Variants in MYO1D observed in about 807,000 individuals in gnomAD.
The protein encoded by MYO1D is myosin ID.
A neutral mutation model predicts 122.0 loss-of-function variants in MYO1D; 83 were observed. The ratio of observed to expected loss-of-function variants is 0.68; its 90% CI spans 0.57 to 0.82. MYO1D has a LOEUF of 0.82. Among genes scored for constraint, MYO1D ranks in the 40% least tolerant of loss-of-function variants. The probability of loss-of-function intolerance (pLI) is 0.00; values close to 1 mark genes in which losing one functional copy is unlikely to be tolerated. For synonymous variants in MYO1D, 464 were observed against 446.9 expected, an observed-to-expected ratio of 1.04 and a Z score of -0.48; for missense variants, 1,157 against 1,269.5, an observed-to-expected ratio of 0.91 and a Z score of 1.35.
At chr17:32,856,338 G>A (rs1567673825) in intron 1 of MYO1D, among the ~76,000 whole-genome samples, 4 of 151,900 alleles carry the variant, frequency 2.6e-5, no homozygotes, top group Non-Finnish European at 5.9e-5. Flanking sequence ...CTCTCTCTAC[G>A]GCCTCCTTCC....
chr17:32,607,065 CA>C (rs1179136526), intron 20 of MYO1D, among the ~76,000 whole-genome samples: 2 of 152,104 alleles, frequency 1.3e-5, no homozygotes, highest in Non-Finnish European at 2.9e-5. Context: ...GAGGCTGAGG[CA>C]GGAGAATCGT....
Position 32,716,192 on chromosome 17 carries a change from G to A in MYO1D, c.1914-3997C>T, listed in dbSNP as rs114739434. On this transcript the variant is annotated intron_variant, in intron 15 of 21. Coordinates refer to ENST00000318217, the MANE Select transcript of MYO1D (RefSeq NM_015194.3). Reference sequence around the variant, plus strand: ...TTTGCACATGCTGTTCCCACTGCCCGGAATGCATTTTATCTAGTCCTTGAA... The same window carrying A: ...TTTGCACATGCTGTTCCCACTGCCCAGAATGCATTTTATCTAGTCCTTGAA... Among the ~76,000 whole-genome samples the A allele has an allele frequency of 2.5e-3, 373 of 152,222 alleles. 2 individuals are homozygous for A. Among genetic ancestry groups the A allele is most frequent in the African/African-American group, 8.8e-3 (364 of 41,544 alleles).
intron 21 of MYO1D, among the ~76,000 whole-genome samples, chr17:32,563,526 G>A (rs548553894): frequency 7.9e-5 from 12 of 152,170 alleles, no homozygotes; most frequent in African/African-American, 2.4e-4. Context: ...CTGCAATTAC[G>A]GTGATTTCTA....
chr17:32,768,880 C>G (rs999491019), intron 6 of MYO1D, among the ~76,000 whole-genome samples: 2 of 152,130 alleles, frequency 1.3e-5, no homozygotes, highest in African/African-American at 4.8e-5. Flanking sequence ...TGGAAAGTAA[C>G]TGGATAAAAT....
intron 1 of MYO1D, among the ~76,000 whole-genome samples, chr17:32,852,795 T>C (rs1172545921): frequency 6.6e-6 from 1 of 152,192 alleles, no homozygotes; most frequent in Non-Finnish European, 1.5e-5. Flanking sequence ...AAAGAAACAA[T>C]TTTGAGAAAC....
At chr17:32,508,509 C>T (rs929259330) in intron 21 of MYO1D, among the ~76,000 whole-genome samples, 1 of 152,126 alleles carries the variant, frequency 6.6e-6, no homozygotes, top group Non-Finnish European at 1.5e-5. Flanking sequence ...CTCATGACCT[C>T]CAGTGGTCCA....
At chr17:32,524,900 G>A (rs1265251097) in intron 21 of MYO1D, among the ~76,000 whole-genome samples, 1 of 152,028 alleles carries the variant, frequency 6.6e-6, no homozygotes, top group African/African-American at 2.4e-5. Context: ...ATAAGGTCTC[G>A]CTATGTTGCC....
At chr17:32,666,646 G>A (rs1382515500) in intron 16 of MYO1D, among the ~76,000 whole-genome samples, 1 of 152,208 alleles carries the variant, frequency 6.6e-6, no homozygotes, top group Non-Finnish European at 1.5e-5. Context: ...TGTATCTTCC[G>A]TTTCGTCTCA....
chr17:32,522,773 G>A (rs898215772), intron 21 of MYO1D, among the ~76,000 whole-genome samples: 3 of 151,598 alleles, frequency 2.0e-5, no homozygotes, highest in Admixed American at 1.3e-4. Flanking sequence ...TCCATTAGGA[G>A]CATCATGTGG....
chr17:32,549,412 C>T (rs1306356821), intron 21 of MYO1D, among the ~76,000 whole-genome samples: 2 of 152,150 alleles, frequency 1.3e-5, no homozygotes, highest in Admixed American at 6.5e-5. Context: ...TCGTTTGTTA[C>T]AAATATAAAC....
chr17:32,605,181 T>C lies in MYO1D; in HGVS notation c.2770A>G (p.Asn924Asp). The C allele has an allele frequency of 6.2e-7, 1 of 1,610,122 alleles. No individual in the cohort carries two copies. Among genetic ancestry groups the C allele is most frequent in the Non-Finnish European group, 8.5e-7 (1 of 1,176,920 alleles). Residue 924 changes from asparagine (N) to aspartate (D), a missense_variant, in exon 21 of 22, where the codon AAC becomes GAC. By Grantham distance (23) the Asn-to-Asp change is conservative. Transcript: ENST00000318217. ...DQLVVFHTKDNKDLIVCLFSK... is the reference protein window; with the variant it reads ...DQLVVFHTKDDKDLIVCLFSK... ...AAGAGGCAGACAATGAGGTCTTTGT[T>C]GTCTTTCGTATGGAACACTACAAGT...
intron 1 of MYO1D, 92 bp from the exon 2 acceptor site, chr17:32,780,876 A>G: frequency 8.1e-7 from 1 of 1,235,094 alleles, no homozygotes; most frequent in Non-Finnish European, 1.2e-6. Flanking sequence ...AAGGAAGTCC[A>G]AATATCCTAG....
chr17:32,645,803 T>C (rs972776792), intron 19 of MYO1D, among the ~76,000 whole-genome samples: 3 of 152,168 alleles, frequency 2.0e-5, no homozygotes, highest in African/African-American at 7.2e-5. Context: ...TAGCCATTCA[T>C]CTAATCTTTT....
intron 1 of MYO1D, among the ~76,000 whole-genome samples, chr17:32,833,970 C>T (rs536615858): frequency 1.3e-5 from 2 of 152,142 alleles, no homozygotes; most frequent in South Asian, 4.2e-4. Flanking sequence ...CCAACTAATG[C>T]ACTATATACT....
intron 14 of MYO1D, among the ~76,000 whole-genome samples, chr17:32,733,114 C>G (rs1053341157): frequency 6.6e-5 from 10 of 152,288 alleles, no homozygotes; most frequent in African/African-American, 2.4e-4. Flanking sequence ...CTGTGCCTGG[C>G]TCACCCTTGG....
chr17:32,574,301 G>T (rs181005806), intron 21 of MYO1D, among the ~76,000 whole-genome samples: 1 of 151,854 alleles, frequency 6.6e-6, no homozygotes, highest in Non-Finnish European at 1.5e-5. Context: ...GTGCACAGTT[G>T]TATCACTACT....
At chr17:32,847,173 T>C (rs1256421930) in intron 1 of MYO1D, among the ~76,000 whole-genome samples, 2 of 152,230 alleles carry the variant, frequency 1.3e-5, no homozygotes, top group Non-Finnish European at 2.9e-5. Context: ...ATTTGGGAAT[T>C]CTTCATACAT....
intron 12 of MYO1D, among the ~76,000 whole-genome samples, chr17:32,747,395 G>A (rs1489960909): frequency 6.6e-6 from 1 of 152,088 alleles, no homozygotes; most frequent in East Asian, 1.9e-4. Flanking sequence ...AAGAAATGCA[G>A]CCCCAACAAA....
intron 21 of MYO1D, among the ~76,000 whole-genome samples, chr17:32,565,725 T>TGC (rs747213774): frequency 6.8e-6 from 1 of 147,384 alleles, no homozygotes; most frequent in African/African-American, 2.5e-5. Context: ...TGTTTCAGAG[T>TGC]GTGTGTGTTT....
Sources: gnomAD v4.1 joint callset for allele counts (sites outside exome capture counted in the v4.1 genomes callset) on GRCh38, gnomAD v4.1.1 for gene constraint, MANE v1.5 for transcripts, NCBI Gene and HGNC (gene_info 2026-07-23, HGNC 2026-07-21) for gene names.